Variants in FMO5 observed in about 807,000 individuals in gnomAD.
FMO5 encodes flavin containing dimethylaniline monoxygenase 5.
A neutral mutation model predicts 43.6 loss-of-function variants in FMO5; 51 were observed. The ratio of observed to expected loss-of-function variants is 1.17; its 90% confidence interval spans 0.93 to 1.48. FMO5 has a LOEUF of 1.48. Ranked by LOEUF, FMO5 falls within the 40% of genes most tolerant of loss-of-function variation. FMO5 has a pLI of 0.00. For synonymous variants in FMO5, 187 were observed against 216.5 expected, an observed-to-expected ratio of 0.86 and a Z score of 1.20; for missense variants, 644 against 643.0, an observed-to-expected ratio of 1.00 and a Z score of -0.02.
intron 2 of FMO5, among the ~76,000 whole-genome samples, chr1:147,224,602 C>T (rs1663670866): frequency 6.6e-6 from 1 of 152,054 alleles, no homozygotes; most frequent in Non-Finnish European, 1.5e-5. Context: ...CTCTGCCTCC[C>T]AAGTTCACCC....
intron 6 of FMO5, among the ~76,000 whole-genome samples, chr1:147,207,006 G>C (rs1660217671): frequency 6.6e-6 from 1 of 151,606 alleles, no homozygotes; most frequent in Non-Finnish European, 1.5e-5. Context: ...TTGATTACCT[G>C]ACAGGATACT....
intron 6 of FMO5, chr1:147,204,731 C>G (rs1659656123): frequency 2.7e-5 from 40 of 1,509,236 alleles, no homozygotes; most frequent in Non-Finnish European, 3.6e-5. Context: ...GTCGCTGCAT[C>G]ATTTGTCACA....
rs145136499 is a variant in FMO5, at chr1:147,191,082, G to A, written c.1184-833C>T. Among the ~76,000 whole-genome samples, 787 of 152,042 alleles carry A rather than the reference G, an allele frequency of 5.2e-3. 8 individuals are homozygous for A. The highest frequency in any genetic ancestry group is 0.017 in the African/African-American group (695 of 41,454). ...CCACATTTTCTTAATCCAGTCTATC[G>A]TTGTTGGACATTTGGCTTGGTTCCA... On this transcript the variant is annotated intron_variant, in intron 7 of 8. Transcript: ENST00000254090.
rs375148951 is a variant in FMO5 at position 147,201,412 on chromosome 1, G to A, written c.923C>T (p.Thr308Met). Residue 308 changes from threonine to methionine, a missense_variant, in exon 7 of 9, where the codon ACG (threonine) becomes ATG (methionine). Thr to Met is a moderately conservative substitution (Grantham distance 81). Coordinates refer to ENST00000254090, the MANE Select transcript of FMO5 (RefSeq NM_001461.4). The stretch of plus-strand genomic sequence containing the variant: ...ATCCTCAAATATGGCAGCTGTCTCC[G>A]TGAATTCCTTCACATTTCCTTTCAC... ...VKVKGNVKEF[T>M]ETAAIFEDGS... The A allele has an allele frequency of 9.7e-5, 156 of 1,613,952 alleles. 1 individual carries two copies. The highest frequency in any genetic ancestry group is 1.1e-4 in the Non-Finnish European group (130 of 1,179,982).
At chr1:147,197,773 T>C (rs1458657290) in intron 7 of FMO5, among the ~76,000 whole-genome samples, 2 of 152,186 alleles carry the variant, frequency 1.3e-5, no homozygotes, top group East Asian at 3.9e-4. Context: ...AGCATGAGAA[T>C]GGGCTAACAC....
At chr1:147,212,645 T>A in intron 4 of FMO5, 110 bp from the exon 5 acceptor site, 1 of 1,027,340 alleles carries the variant, frequency 9.7e-7, no homozygotes. Context: ...ATTCTCCAAG[T>A]GTTCTCTTTA....
chr1:147,191,894 T>C (rs1241029079), intron 7 of FMO5, among the ~76,000 whole-genome samples: 1 of 152,134 alleles, frequency 6.6e-6, no homozygotes, highest in African/African-American at 2.4e-5. Context: ...ACCAGTACCA[T>C]GCTGTTTTGG....
intron 2 of FMO5, among the ~76,000 whole-genome samples, chr1:147,219,983 C>T (rs760507053): frequency 4.6e-5 from 7 of 151,902 alleles, no homozygotes; most frequent in East Asian, 1.9e-4. Context: ...GGACTACAGG[C>T]GCATGCCACC....
At chr1:147,209,437 CA>C (rs34426233) in intron 5 of FMO5, among the ~76,000 whole-genome samples, 70 of 109,850 alleles carry the variant, frequency 6.4e-4, no homozygotes, top group African/African-American at 2.2e-3. Context: ...GACTCCGTCT[CA>C]AAAAAAAAAA....
At chr1:147,222,094 G>C (rs114096875) in intron 2 of FMO5, among the ~76,000 whole-genome samples, 2,987 of 152,304 alleles carry the variant, frequency 0.02, 93 homozygotes, top group African/African-American at 0.068. Context: ...GAGAGGCTAG[G>C]CACGGTGGCT....
At chr1:147,193,214 A>G (rs1381886681) in intron 7 of FMO5, among the ~76,000 whole-genome samples, 2 of 152,256 alleles carry the variant, frequency 1.3e-5, no homozygotes, top group Admixed American at 1.3e-4. Context: ...TCAGAGATTC[A>G]GCTTCTTCCT....
intron 2 of FMO5, among the ~76,000 whole-genome samples, chr1:147,222,488 TGG>T (rs1159862147): frequency 1.3e-5 from 2 of 152,140 alleles, no homozygotes; most frequent in Non-Finnish European, 2.9e-5. Flanking sequence ...GAGGACAGTT[TGG>T]GGCTTCTGTT....
Position 147,203,796 on chromosome 1 carries a change from A to C in FMO5, c.831-2292T>G, listed in dbSNP as rs1311629498. The C allele has an allele frequency of 1.9e-6, 3 of 1,546,820 alleles. No individual in the cohort carries two copies. The African/African-American group carries it at 4.1e-5, about 21-fold the overall frequency. On this transcript the variant is annotated intron_variant, in intron 6 of 8. Coordinates refer to ENST00000254090, the MANE Select transcript of FMO5 (RefSeq NM_001461.4). ...ATGTCATCCATCAGATTGTCTGTAG[A>C]GCCCCGAAGTACTATGGTAGAAATG...
chr1:147,194,842 C>A (rs1657658078), intron 7 of FMO5, among the ~76,000 whole-genome samples: 1 of 152,060 alleles, frequency 6.6e-6, no homozygotes, highest in Non-Finnish European at 1.5e-5. Context: ...GGCCCCCACT[C>A]TCTTCTGGCT....
chr1:147,203,856 C>A (rs1553921615), intron 6 of FMO5: 1 of 1,580,790 alleles, frequency 6.3e-7, no homozygotes. Context: ...AAAACCACCA[C>A]CTGAGTATCT....
intron 2 of FMO5, among the ~76,000 whole-genome samples, chr1:147,217,957 TG>T (rs782547052): frequency 4.6e-5 from 7 of 152,224 alleles, no homozygotes; most frequent in Non-Finnish European, 7.3e-5. Context: ...AAATGTTTAA[TG>T]GATGCATATC....
At chr1:147,194,225 G>A (rs587596927) in intron 7 of FMO5, among the ~76,000 whole-genome samples, 1 of 152,056 alleles carries the variant, frequency 6.6e-6, no homozygotes, top group Non-Finnish European at 1.5e-5. Flanking sequence ...GGATAGTTAG[G>A]TCTTCTTGTT....
intron 2 of FMO5, among the ~76,000 whole-genome samples, chr1:147,216,346 A>T (rs1661994446): frequency 6.6e-6 from 1 of 152,202 alleles, no homozygotes; most frequent in Non-Finnish European, 1.5e-5. Context: ...GTCCCCAAAA[A>T]TTCTACCTAT....
chr1:147,205,140 C>T (rs144598599), intron 6 of FMO5, among the ~76,000 whole-genome samples: 479 of 152,214 alleles, frequency 3.1e-3, no homozygotes, highest in Non-Finnish European at 5.1e-3. Context: ...AATGCTATAC[C>T]CTTGCTCTAT....
Sources: gnomAD v4.1 joint callset for allele counts (sites outside exome capture counted in the v4.1 genomes callset) on GRCh38, gnomAD v4.1.1 for gene constraint, MANE v1.5 for transcripts, NCBI Gene and HGNC (gene_info 2026-07-23, HGNC 2026-07-21) for gene names.